GRM1: variants seen among roughly 807,000 people sequenced by gnomAD.
The protein encoded by GRM1 is glutamate metabotropic receptor 1.
A neutral mutation model predicts 90.9 loss-of-function variants in GRM1; 33 were observed. The ratio of observed to expected loss-of-function variants is 0.36; its 90% CI spans 0.28 to 0.49. GRM1 has a LOEUF of 0.49. Ranked by LOEUF, GRM1 falls within the 20% of genes least tolerant of loss-of-function variation. The pLI is 0.99. For synonymous variants in GRM1, 700 were observed against 613.2 expected, an observed-to-expected ratio of 1.14 and a Z score of -2.09; for missense variants, 1,190 against 1,534.3, an observed-to-expected ratio of 0.78 and a Z score of 3.75.
At chr6:146,169,915 A>G (rs561552878) in intron 2 of GRM1, among the ~76,000 whole-genome samples, 1 of 152,300 alleles carries the variant, frequency 6.6e-6, no homozygotes, top group African/African-American at 2.4e-5. Context: ...TGTCCTTTTT[A>G]TATAGCTATC....
chr6:146,043,007 G>A (rs780685866), intron 1 of GRM1, among the ~76,000 whole-genome samples: 2 of 151,908 alleles, frequency 1.3e-5, no homozygotes, highest in African/African-American at 2.4e-5. Flanking sequence ...ATGAAAATAG[G>A]TTTCCAGGGG....
chr6:146,198,110 A>G (rs1055733303), intron 2 of GRM1, among the ~76,000 whole-genome samples: 2 of 152,226 alleles, frequency 1.3e-5, no homozygotes, highest in Non-Finnish European at 1.5e-5. Context: ...ACATATTCAA[A>G]CTCATCAAAT....
intron 1 of GRM1, among the ~76,000 whole-genome samples, chr6:146,075,848 G>T (rs73578805): frequency 0.012 from 1,787 of 152,218 alleles, 32 homozygotes; most frequent in African/African-American, 0.041. Flanking sequence ...TCTATTTTGT[G>T]TGTGTCTCTG....
intron 1 of GRM1, among the ~76,000 whole-genome samples, chr6:146,077,981 C>T (rs1434264257): frequency 6.6e-6 from 1 of 152,062 alleles, no homozygotes; most frequent in Non-Finnish European, 1.5e-5. Flanking sequence ...GTAGACAGCC[C>T]GATAAAGGTG....
At chr6:146,246,132 G>A (rs1781052134) in intron 2 of GRM1, among the ~76,000 whole-genome samples, 1 of 152,162 alleles carries the variant, frequency 6.6e-6, no homozygotes, top group East Asian at 1.9e-4. Flanking sequence ...TTGAAGTCTT[G>A]GCCTGTAACA....
At position 146,029,468 on chromosome 6, in the gene GRM1, G is replaced by A. The variant is rs768196597; in HGVS notation, c.-50G>A. 6.9e-7 allele frequency: 1 copy of A among 1,447,148 alleles called. No individual in the cohort carries two copies. Among genetic ancestry groups the A allele is most frequent in the South Asian group, 1.1e-5 (1 of 87,586 alleles). 89.6% of individuals were successfully genotyped at this position (1,447,148 alleles called of 1,614,324 possible). A position where few individuals can be genotyped will look rare whatever the true frequency, so the allele number is the denominator to read the frequency against. On this transcript the variant is annotated 5_prime_UTR_variant, in exon 1 of 8. Transcript: ENST00000282753. ...GGTGCGCGCCGGGAGCCTGCAGCGG[G>A]ACCAGCGTGGGAACGCGGCTGGCAG...
chr6:146,275,054 TAAAAA>T (rs1462115462), intron 2 of GRM1, among the ~76,000 whole-genome samples: 1 of 151,656 alleles, frequency 6.6e-6, no homozygotes, highest in Admixed American at 6.6e-5. Context: ...AGAAAAAAAT[TAAAAA>T]GAAAAAGATG....
intron 2 of GRM1, among the ~76,000 whole-genome samples, chr6:146,277,483 G>A (rs1782417097): frequency 6.6e-6 from 1 of 152,180 alleles, no homozygotes; most frequent in Non-Finnish European, 1.5e-5. Context: ...GAGTAGCTGA[G>A]GTCACCTGAC....
chr6:146,342,605 T>C (rs866024823), intron 3 of GRM1, among the ~76,000 whole-genome samples: 4 of 152,180 alleles, frequency 2.6e-5, no homozygotes, highest in Non-Finnish European at 5.9e-5. Context: ...CTTTAGATTG[T>C]TCATCAATAA....
chr6:146,245,479 A>G (rs1294980597), intron 2 of GRM1, among the ~76,000 whole-genome samples: 1 of 152,188 alleles, frequency 6.6e-6, no homozygotes, highest in Non-Finnish European at 1.5e-5. Flanking sequence ...CATAATTACT[A>G]TTTATTGATA....
intron 3 of GRM1, among the ~76,000 whole-genome samples, chr6:146,342,424 C>T (rs1192151893): frequency 6.6e-6 from 1 of 152,154 alleles, no homozygotes; most frequent in African/African-American, 2.4e-5. Flanking sequence ...CACATCTTCC[C>T]ATTAGCTTGC....
intron 7 of GRM1, among the ~76,000 whole-genome samples, chr6:146,401,396 A>C (rs1421363725): frequency 1.3e-5 from 2 of 152,142 alleles, no homozygotes; most frequent in Non-Finnish European, 2.9e-5. Context: ...ATCAGGGAGC[A>C]TGAAAGCAAA....
chr6:146,352,088 A>G (rs1053265556), intron 3 of GRM1, among the ~76,000 whole-genome samples, 162 bp from the exon 4 acceptor site: 1 of 152,218 alleles, frequency 6.6e-6, no homozygotes, highest in African/African-American at 2.4e-5. Flanking sequence ...AATCTGCTAG[A>G]GCTAGCCACA....
At chr6:146,113,077 T>C (rs1775620846) in intron 1 of GRM1, among the ~76,000 whole-genome samples, 1 of 152,204 alleles carries the variant, frequency 6.6e-6, no homozygotes, top group Non-Finnish European at 1.5e-5. Flanking sequence ...AGTAAGAAAG[T>C]AGCAAAGAGA....
intron 2 of GRM1, among the ~76,000 whole-genome samples, chr6:146,203,678 A>G (rs1199118585): frequency 6.6e-6 from 1 of 152,240 alleles, no homozygotes; most frequent in Non-Finnish European, 1.5e-5. Flanking sequence ...TAATCAGACT[A>G]TATGCCTAAA....
At position 146,434,975 on chromosome 6, in the gene GRM1, A is replaced by C; in HGVS notation, c.*179A>C. On this transcript the variant is annotated 3_prime_UTR_variant, in exon 8 of 8. Transcript: ENST00000282753. ...CTTAAGTAGGAAGAGAGGGAAGGAC[A>C]CCAAGCAAAAAATGTTCCAGGCCAG... The C allele has an allele frequency of 1.6e-6, 1 of 630,814 alleles. No homozygotes were observed. The highest frequency in any genetic ancestry group is 1.7e-5 in the South Asian group (1 of 57,680). The allele number at this position is 630,814 out of a possible 1,614,324, so 39.1% of individuals were successfully genotyped here. A position where few individuals can be genotyped will look rare whatever the true frequency, so the allele number is the denominator to read the frequency against.
intron 1 of GRM1, among the ~76,000 whole-genome samples, chr6:146,063,946 G>A (rs1775759480): frequency 6.6e-6 from 1 of 152,058 alleles, no homozygotes; most frequent in East Asian, 1.9e-4. Context: ...AATGAAATCT[G>A]GAAACTATGC....
At chr6:146,307,829 G>T (rs997029999) in intron 3 of GRM1, among the ~76,000 whole-genome samples, 1 of 152,138 alleles carries the variant, frequency 6.6e-6, no homozygotes, top group African/African-American at 2.4e-5. Context: ...AAGAGTTTAT[G>T]TGCACTAGAT....
chr6:146,209,417 A>T lies in GRM1; in HGVS notation c.950+49820A>T, dbSNP rs536008396. ...TTGGTAAAATTTGCCAACTTTTTCC[A>T]TTCTGACTTCATTCACTTTTTGTAC... On this transcript the variant is annotated intron_variant, in intron 2 of 7. Coordinates refer to ENST00000282753, the MANE Select transcript of GRM1 (RefSeq NM_001278064.2). 1.3e-4 allele frequency among the ~76,000 whole-genome samples: 20 copies of T among 152,270 alleles called. No homozygotes were observed. In the South Asian group the frequency reaches 4.1e-3, roughly 32 times the overall value.
Sources: allele counts gnomAD v4.1 joint callset (sites outside exome capture counted in the v4.1 genomes callset), GRCh38; gene constraint gnomAD v4.1.1; transcripts MANE v1.5; gene names NCBI Gene and HGNC (gene_info 2026-07-23, HGNC 2026-07-21).